RABGAP1: variants seen among roughly 807,000 people sequenced by gnomAD.
RABGAP1 encodes rab GTPase-activating protein 1.
A neutral mutation model predicts 137.6 loss-of-function variants in RABGAP1; 23 were observed. The observed-to-expected ratio is 0.17, with a 90% confidence interval of 0.12 to 0.24. The LOEUF (loss-of-function observed/expected upper bound fraction) is 0.24. RABGAP1 is among the 10% of genes least tolerant of loss of function. The probability of loss-of-function intolerance (pLI) is 1.00; values close to 1 mark genes in which losing one functional copy is unlikely to be tolerated. For synonymous variants in RABGAP1, 451 were observed against 450.7 expected (o/e 1.00, Z -0.01); for missense variants, 906 against 1,275.8 (o/e 0.71, Z 4.42).
chr9:123,044,626 C>T (rs1006788635), intron 13 of RABGAP1, among the ~76,000 whole-genome samples: 11 of 149,088 alleles, frequency 7.4e-5, no homozygotes, highest in African/African-American at 2.2e-4. Flanking sequence ...AACACACGTA[C>T]GTGTGTGTGT....
chr9:123,037,761 T>C (rs1197079207), intron 13 of RABGAP1, among the ~76,000 whole-genome samples: 1 of 152,172 alleles, frequency 6.6e-6, no homozygotes, highest in African/African-American at 2.4e-5. Context: ...GAGATGCTCC[T>C]GGACACAGTA....
At chr9:123,100,666 G>A (rs1335927859) in intron 24 of RABGAP1, among the ~76,000 whole-genome samples, 1 of 152,062 alleles carries the variant, frequency 6.6e-6, no homozygotes, top group Non-Finnish European at 1.5e-5. Context: ...TGATCCACCC[G>A]CCTTGGCCTC....
upstream of RABGAP1, chr9:122,939,386 G>T (rs1394672238): frequency 1.3e-5 from 2 of 151,830 alleles, no homozygotes; most frequent in Non-Finnish European, 2.9e-5. Context: ...TGCCCAGGCT[G>T]GTCTCGAACT....
chr9:123,076,169 G>A lies in RABGAP1; in HGVS notation c.2254-76G>A, dbSNP rs2034503050. 1.4e-5 allele frequency: 19 copies of A among 1,405,496 alleles called. 1 individual carries two copies. The highest frequency in any genetic ancestry group is 3.7e-4 in the Middle Eastern group (2 of 5,464). 87.1% of individuals were successfully genotyped at this position (1,405,496 alleles called of 1,614,324 possible). ...AAGTTTTCACAATTTCTTTAAAAAT[G>A]TGGGGTATAAGGACAAATAGCATAA... On this transcript the variant is annotated intron_variant, in intron 17 of 25. Transcript: ENST00000373647.
At chr9:123,028,190 A>T (rs1247636318) in intron 13 of RABGAP1, among the ~76,000 whole-genome samples, 1 of 152,240 alleles carries the variant, frequency 6.6e-6, no homozygotes, top group Admixed American at 6.5e-5. Flanking sequence ...TACTTGAAAG[A>T]TCTTTCAACT....
At position 122,968,110 on chromosome 9, in the gene RABGAP1, A is replaced by G. The variant is rs533711737; in HGVS notation, c.150+10901A>G. 3.3e-5 allele frequency among the ~76,000 whole-genome samples: 5 copies of G among 152,278 alleles called. No homozygotes were observed. In the East Asian group the frequency reaches 9.6e-4, roughly 29 times the overall value. Reference sequence around the variant, plus strand: ...AATGTGTATATATGCATTACATGAGACATGAGACATTTTCGTACAGGTGTG... The same window carrying G: ...AATGTGTATATATGCATTACATGAGGCATGAGACATTTTCGTACAGGTGTG... On this transcript the variant is annotated intron_variant, in intron 2 of 25. Transcript: ENST00000373647.
chr9:123,042,200 G>C (rs2032986406), intron 13 of RABGAP1, among the ~76,000 whole-genome samples: 1 of 152,194 alleles, frequency 6.6e-6, no homozygotes, highest in South Asian at 2.1e-4. Context: ...TCTCGGGGCT[G>C]ACATTTGAGG....
Position 122,948,915 on chromosome 9 carries a change from T to C in RABGAP1, c.-50+7822T>C, listed in dbSNP as rs74868694. Among the ~76,000 whole-genome samples, 262 of 152,270 alleles carry C rather than the reference T, an allele frequency of 1.7e-3. 1 individual carries two copies. Among genetic ancestry groups the C allele is most frequent in the Middle Eastern group, 6.8e-3 (2 of 294 alleles). On this transcript the variant is annotated intron_variant, in intron 1 of 25. Transcript: ENST00000373647. ...TCAACCAACCAAATTTATTGAACAC[T>C]GCCCGTAAGTAAGGAAATGAAATTA...
At position 122,998,661 on chromosome 9, in the gene RABGAP1, A is replaced by C; in HGVS notation, c.1269A>C (p.Arg423=). Reference sequence around the variant, plus strand: ...TAACAGAAGTACAGGAGCCTGTTCGATTTCTCCTGGAGACAAAAGTCCGCG... The same window carrying C: ...TAACAGAAGTACAGGAGCCTGTTCGCTTTCTCCTGGAGACAAAAGTCCGCG... ...LVITEVQEPV[R]FLLETKVRVC... is the part of the protein sequence containing the mutation. Residue 423 remains arginine (R), a synonymous_variant, in exon 10 of 26, where the codon CGA becomes CGC. Coordinates refer to ENST00000373647, the MANE Select transcript of RABGAP1 (RefSeq NM_012197.4). 6.2e-7 allele frequency: 1 copy of C among 1,612,084 alleles called. No homozygotes were observed. Among genetic ancestry groups the C allele is most frequent in the Non-Finnish European group, 8.5e-7 (1 of 1,178,202 alleles).
Position 123,073,659 on chromosome 9 carries a change from G to A in RABGAP1, c.2091G>A (p.Gln697=), listed in dbSNP as rs756214252. Residue 697 remains glutamine (Q), a synonymous_variant, in exon 16 of 26, where the codon CAG becomes CAA. Transcript: ENST00000373647. ...NFEDLHCKFY[Q]LERLMQEYIP... ...AAGATTTGCATTGCAAATTTTACCA[G>A]TTGGAGCGCCTCATGCAGGTAAAAA... 6.2e-7 allele frequency: 1 copy of A among 1,613,872 alleles called. No individual in the cohort carries two copies. Among genetic ancestry groups the A allele is most frequent in the Non-Finnish European group, 8.5e-7 (1 of 1,179,814 alleles).
At chr9:122,983,327 G>A (rs1221787262) in intron 2 of RABGAP1, among the ~76,000 whole-genome samples, 1 of 152,148 alleles carries the variant, frequency 6.6e-6, no homozygotes, top group East Asian at 1.9e-4. Flanking sequence ...GAAATTCACA[G>A]AAACAGAAAT....
intron 1 of RABGAP1, among the ~76,000 whole-genome samples, chr9:122,950,635 G>C (rs1834195312): frequency 6.6e-6 from 1 of 152,078 alleles, no homozygotes; most frequent in Non-Finnish European, 1.5e-5. Context: ...ACCACTGTAA[G>C]CCTGTCAAAG....
At chr9:123,059,011 G>T (rs1483740586) in intron 13 of RABGAP1, among the ~76,000 whole-genome samples, 1 of 152,222 alleles carries the variant, frequency 6.6e-6, no homozygotes, top group African/African-American at 2.4e-5. Context: ...CATGGTTCAA[G>T]TGGTATTCTG....
At chr9:123,005,512 A>G (rs186612895) in intron 10 of RABGAP1, among the ~76,000 whole-genome samples, 2 of 152,298 alleles carry the variant, frequency 1.3e-5, no homozygotes, top group East Asian at 3.9e-4. Flanking sequence ...AGCATACTCC[A>G]TATGTCTTAT....
chr9:123,079,284 G>A (rs1468951566), intron 19 of RABGAP1, among the ~76,000 whole-genome samples: 2 of 144,690 alleles, frequency 1.4e-5, no homozygotes, highest in Admixed American at 1.4e-4. Context: ...TTGTCACCCA[G>A]GCCGGAGTGC....
chr9:122,997,168 G>T, intron 8 of RABGAP1, 91 bp from the exon 9 acceptor site: 1 of 857,122 alleles, frequency 1.2e-6, no homozygotes, highest in Non-Finnish European at 1.8e-6. Context: ...TTATATTTTT[G>T]CAGCTTCTGG....
chr9:122,993,645 G>C (rs147355282), intron 6 of RABGAP1, among the ~76,000 whole-genome samples: 1 of 152,128 alleles, frequency 6.6e-6, no homozygotes. Context: ...TTGTTTGTTT[G>C]TTGTTGAGAC....
chr9:122,974,579 C>T (rs543487620), intron 2 of RABGAP1, among the ~76,000 whole-genome samples: 21 of 151,796 alleles, frequency 1.4e-4, no homozygotes, highest in Non-Finnish European at 2.9e-4. Context: ...ATTGCCTGAG[C>T]CCAGGAGTTC....
At chr9:122,997,481 T>G (rs1351869614) in intron 9 of RABGAP1, 120 bp downstream of exon 9, 40 of 588,382 alleles carry the variant, frequency 6.8e-5, no homozygotes, top group South Asian at 3.6e-5. Context: ...ACCGAAGAAT[T>G]TGAATAGTTC....
Sources: allele counts gnomAD v4.1 joint callset (sites outside exome capture counted in the v4.1 genomes callset), GRCh38; gene constraint gnomAD v4.1.1; transcripts MANE v1.5; gene names NCBI Gene and HGNC (gene_info 2026-07-23, HGNC 2026-07-21).